RING1: variants seen among roughly 807,000 people sequenced by gnomAD.
RING1 encodes the protein E3 ubiquitin-protein ligase RING1.
RING1 carries 8 observed loss-of-function variants against 35.0 expected under a neutral mutation model. That is an observed-to-expected ratio of 0.23 (90% CI 0.13 to 0.41). The LOEUF (loss-of-function observed/expected upper bound fraction) is 0.41, where lower values mean the gene tolerates loss of function less well. Among genes scored for constraint, RING1 ranks in the 10% least tolerant of loss-of-function variants. RING1 has a pLI of 1.00. For missense variants in RING1, 343 were observed against 546.8 expected, an observed-to-expected ratio of 0.63 and a Z score of 3.72; for synonymous variants, 214 against 224.3, an observed-to-expected ratio of 0.95 and a Z score of 0.41.
rs758793149 is a variant in RING1, at chr6:33,211,324, G to A, written c.622G>A (p.Ala208Thr). The stretch of plus-strand genomic sequence containing the variant: ...TCCCAAGCGACCCCGTGGAGGGGGC[G>A]CAGGGGGGAGCAGTGTAGGGACAGG... ...PAPKRPRGGG[A>T]GGSSVGTGGG... The change falls in exon 5 of 7, where the codon GCA becomes ACA. Residue 208 changes from alanine (A) to threonine (T), a missense_variant. Physicochemically the swap from Ala to Thr is moderately conservative, Grantham distance 58. This residue lies in a region of RING1 where 278 missense variants were observed against 383.5 expected (regional missense o/e 0.72). Transcript: ENST00000374656. The surrounding 1 kb of genome is among the most constrained non-coding windows in gnomAD (Gnocchi z 6.3). The A allele has an allele frequency of 1.1e-5, 17 of 1,608,600 alleles. No homozygotes were observed. The East Asian group carries it at 1.3e-4, about 13-fold the overall frequency.
Position 33,211,691 on chromosome 6 carries a change from G to T in RING1, c.846-38G>T. 1 of 1,533,908 alleles carries T rather than the reference G, an allele frequency of 6.5e-7. No homozygotes were observed. The highest frequency in any genetic ancestry group is 8.8e-7 in the Non-Finnish European group (1 of 1,142,310). On this transcript the variant is annotated intron_variant, in intron 5 of 6. Coordinates refer to ENST00000374656, the MANE Select transcript of RING1 (RefSeq NM_002931.4). The surrounding 1 kb of genome is among the most constrained non-coding windows in gnomAD (Gnocchi z 6.3). Reference sequence around the variant, plus strand: ...CCCCTACCTCCAGTCCTCATCTGAGGCGCTCTGGCTCTAAGCCTGTCCTCC... The same window carrying T: ...CCCCTACCTCCAGTCCTCATCTGAGTCGCTCTGGCTCTAAGCCTGTCCTCC...
chr6:33,210,792 T>G (rs1306647696), intron 4 of RING1, among the ~76,000 whole-genome samples: 1 of 152,206 alleles, frequency 6.6e-6, no homozygotes, highest in Non-Finnish European at 1.5e-5. Context: ...AGATGCAAAC[T>G]GTGATTCAGT....
Position 33,209,727 on chromosome 6 carries a change from C to T in RING1, c.180C>T (p.Thr60=). 1 of 1,613,404 alleles carries T rather than the reference C, an allele frequency of 6.2e-7. No individual in the cohort carries two copies. The highest frequency in any genetic ancestry group is 8.5e-7 in the Non-Finnish European group (1 of 1,180,024). Residue 60 remains threonine (T), a synonymous_variant, in exon 3 of 7, where the codon ACC becomes ACT. Coordinates refer to ENST00000374656, the MANE Select transcript of RING1 (RefSeq NM_002931.4). The surrounding 1 kb of genome is among the most constrained non-coding windows in gnomAD (Gnocchi z 5.1). ...ICLDMLKNTM[T]TKECLHRFCS... is the part of the protein sequence containing the mutation. ...TGGACATGCTGAAGAATACGATGAC[C>T]ACCAAGGAGTGCCTCCACAGATTCT...
At chr6:33,210,787 C>T (rs912641634) in intron 4 of RING1, among the ~76,000 whole-genome samples, 3 of 152,156 alleles carry the variant, frequency 2.0e-5, no homozygotes, top group Non-Finnish European at 4.4e-5. Flanking sequence ...TCTTCAGATG[C>T]AAACTGTGAT....
In RING1 at chr6:33,208,887, A is replaced by G; in HGVS notation, c.65A>G (p.His22Arg). 6.2e-7 allele frequency: 1 copy of G among 1,612,354 alleles called. No homozygotes were observed. Among genetic ancestry groups the G allele is most frequent in the Non-Finnish European group, 8.5e-7 (1 of 1,179,724 alleles). The change falls in exon 2 of 7, where the codon CAC (histidine) becomes CGC (arginine). Residue 22 changes from histidine (H) to arginine (R), a missense_variant. Coordinates refer to ENST00000374656, the MANE Select transcript of RING1 (RefSeq NM_002931.4). This position sits in a 1 kb window ranked among gnomAD's most constrained non-coding sequence, Gnocchi z 6.2. ...TGGGAACTGAGTCTGTATGAGCTGC[A>G]CCGGACCCCGCAGGTGACAGGCATT... ...KTWELSLYELHRTPQEAIMDG... is the reference protein window; with the variant it reads ...KTWELSLYELRRTPQEAIMDG...
rs1333658957 is a variant in RING1 at position 33,209,049 on chromosome 6, C to T, written c.78+149C>T. 1 of 740,890 alleles carries T rather than the reference C, an allele frequency of 1.3e-6. No homozygotes were observed. The highest frequency in any genetic ancestry group is 1.7e-5 in the African/African-American group (1 of 57,760). 45.9% of individuals were successfully genotyped at this position (740,890 alleles called of 1,614,324 possible). A position where few individuals can be genotyped will look rare whatever the true frequency, so the allele number is the denominator to read the frequency against. On this transcript the variant is annotated intron_variant, in intron 2 of 6. Coordinates refer to ENST00000374656, the MANE Select transcript of RING1 (RefSeq NM_002931.4). The surrounding 1 kb of genome is among the most constrained non-coding windows in gnomAD (Gnocchi z 5.1). ...CACCTTAATCTTTCCAAAGCACTTT[C>T]GCATTTAGCTCATTTAATCCTCAAA...
At position 33,209,688 on chromosome 6, in the gene RING1, G is replaced by T; in HGVS notation, c.141G>T (p.Met47Ile). Residue 47 changes from methionine (M) to isoleucine (I), a missense_variant, in exon 3 of 7, where the codon ATG (methionine) becomes ATT (isoleucine). Physicochemically the swap from Met to Ile is conservative, Grantham distance 10. Around this residue, in one of 2 missense-constraint regions of RING1, gnomAD observed 65 missense variants for 163.3 expected, o/e 0.40. Transcript: ENST00000374656. The surrounding 1 kb of genome is among the most constrained non-coding windows in gnomAD (Gnocchi z 5.1). ...VSPRSLHSEL[M>I]CPICLDMLKN... is the part of the protein sequence containing the mutation. ...CTCGGTCACTGCATTCAGAACTCATGTGCCCTATCTGCCTGGACATGCTGA... is the reference window on the plus strand; with the variant it reads ...CTCGGTCACTGCATTCAGAACTCATTTGCCCTATCTGCCTGGACATGCTGA... 6.2e-7 allele frequency: 1 copy of T among 1,613,110 alleles called. No homozygotes were observed. The highest frequency in any genetic ancestry group is 1.1e-5 in the South Asian group (1 of 91,088).
At chr6:33,212,110 A>G in intron 6 of RING1, 108 bp downstream of exon 6, 1 of 921,342 alleles carries the variant, frequency 1.1e-6, no homozygotes, top group Non-Finnish European at 1.6e-6. Flanking sequence ...TCCCCTATAC[A>G]TCCTCTATCT....
Position 33,211,362 on chromosome 6 carries a change from T to C in RING1, c.660T>C (p.Thr220=). 1.0e-6 allele frequency: 1 copy of C among 986,314 alleles called. No individual in the cohort carries two copies. 61.1% of individuals were successfully genotyped at this position (986,314 alleles called of 1,614,324 possible). ...GSSVGTGGGG[T]GGVGGGAGSE... is the part of the protein sequence containing the mutation. Reference sequence around the variant, plus strand: ...GTGTAGGGACAGGGGGAGGCGGCACTGGTGGGGTGGGTGGGGGTGCCGGTT... The same window carrying C: ...GTGTAGGGACAGGGGGAGGCGGCACCGGTGGGGTGGGTGGGGGTGCCGGTT... The change falls in exon 5 of 7, where the codon ACT becomes ACC. Residue 220 remains threonine (T), a synonymous_variant. Coordinates refer to ENST00000374656, the MANE Select transcript of RING1 (RefSeq NM_002931.4). The surrounding 1 kb of genome is among the most constrained non-coding windows in gnomAD (Gnocchi z 6.3).
chr6:33,209,827 A>C lies in RING1; in HGVS notation c.239+41A>C, dbSNP rs1775403212. 1.9e-6 allele frequency: 3 copies of C among 1,612,592 alleles called. No homozygotes were observed. The South Asian group carries it at 3.3e-5, about 18-fold the overall frequency. On this transcript the variant is annotated intron_variant, in intron 3 of 6. Transcript: ENST00000374656. This position sits in a 1 kb window ranked among gnomAD's most constrained non-coding sequence, Gnocchi z 5.1. ...TGTTTGAGATGAGATGAAGGGGTAC[A>C]AAGTTAGGGCCCTCTCACTGGTCTT...
chr6:33,211,535 A>T lies in RING1; in HGVS notation c.833A>T (p.Tyr278Phe). 6.2e-7 allele frequency: 1 copy of T among 1,611,592 alleles called. No homozygotes were observed. The highest frequency in any genetic ancestry group is 1.3e-5 in the African/African-American group (1 of 75,034). Reference sequence around the variant, plus strand: ...CCCCTGCTCGTGGAGAAGGGAGAATACTGCCAGACGAGGTGAGGAGCCCTG... The same window carrying T: ...CCCCTGCTCGTGGAGAAGGGAGAATTCTGCCAGACGAGGTGAGGAGCCCTG... ...PHPLLVEKGE[Y>F]CQTRYVKTTG... Residue 278 changes from tyrosine to phenylalanine, a missense_variant, in exon 5 of 7, where the codon TAC becomes TTC. Transcript: ENST00000374656. The surrounding 1 kb of genome is among the most constrained non-coding windows in gnomAD (Gnocchi z 6.3).
In RING1 at chr6:33,208,752, C is replaced by A; in HGVS notation, c.-58-13C>A. 4 of 1,306,508 alleles carry A rather than the reference C, an allele frequency of 3.1e-6. No homozygotes were observed. Among genetic ancestry groups the A allele is most frequent in the Non-Finnish European group, 4.1e-6 (4 of 968,410 alleles). The allele number at this position is 1,306,508 out of a possible 1,614,324, so 80.9% of individuals were successfully genotyped here. A position where few individuals can be genotyped will look rare whatever the true frequency, so the allele number is the denominator to read the frequency against. ...CCCCCCTGACGCCCTCCTCCCCTTC[C>A]CCCCACCCCCAGCCTTCTTCGCCTT... On this transcript the variant is annotated splice_polypyrimidine_tract_variant and intron_variant, in intron 1 of 6. Transcript: ENST00000374656. The surrounding 1 kb of genome is among the most constrained non-coding windows in gnomAD (Gnocchi z 6.2).
At position 33,209,149 on chromosome 6, in the gene RING1, C is replaced by T. The variant is rs767949273; in HGVS notation, c.78+249C>T. 4 of 692,108 alleles carry T rather than the reference C, an allele frequency of 5.8e-6. No individual in the cohort carries two copies. Among genetic ancestry groups the T allele is most frequent in the Non-Finnish European group, 1.1e-5 (4 of 378,978 alleles). 42.9% of individuals were successfully genotyped at this position (692,108 alleles called of 1,614,324 possible). Reference sequence around the variant, plus strand: ...ATCACAAACACAAAAATTACCTTCCCTGTTCCTCATTCAGTGTCATAAGTC... The same window carrying T: ...ATCACAAACACAAAAATTACCTTCCTTGTTCCTCATTCAGTGTCATAAGTC... On this transcript the variant is annotated intron_variant, in intron 2 of 6. Coordinates refer to ENST00000374656, the MANE Select transcript of RING1 (RefSeq NM_002931.4). This position sits in a 1 kb window ranked among gnomAD's most constrained non-coding sequence, Gnocchi z 5.1.
rs1403803605 is a variant in RING1, at chr6:33,208,775, C to T, written c.-48C>T. 6.0e-6 allele frequency: 9 copies of T among 1,490,200 alleles called. No individual in the cohort carries two copies. Among genetic ancestry groups the T allele is most frequent in the African/African-American group, 1.4e-5 (1 of 71,262 alleles). The allele number at this position is 1,490,200 out of a possible 1,614,324, so 92.3% of individuals were successfully genotyped here. A position where few individuals can be genotyped will look rare whatever the true frequency, so the allele number is the denominator to read the frequency against. Reference sequence around the variant, plus strand: ...TCCCCCCACCCCCAGCCTTCTTCGCCTTCTCCTCGGCTGTGGAGCCCTGGT... The same window carrying T: ...TCCCCCCACCCCCAGCCTTCTTCGCTTTCTCCTCGGCTGTGGAGCCCTGGT... On this transcript the variant is annotated 5_prime_UTR_variant, in exon 2 of 7. Coordinates refer to ENST00000374656, the MANE Select transcript of RING1 (RefSeq NM_002931.4). The surrounding 1 kb of genome is among the most constrained non-coding windows in gnomAD (Gnocchi z 6.2).
intron 4 of RING1, among the ~76,000 whole-genome samples, chr6:33,210,877 G>T (rs1775475750): frequency 6.6e-6 from 1 of 152,262 alleles, no homozygotes; most frequent in Admixed American, 6.5e-5. Flanking sequence ...CGCACTTTGA[G>T]AGGTGACAGC....
Position 33,210,103 on chromosome 6 carries a change from A to C in RING1, c.428A>C (p.Glu143Ala). The C allele has an allele frequency of 6.2e-7, 1 of 1,614,120 alleles. No individual in the cohort carries two copies. Among genetic ancestry groups the C allele is most frequent in the Non-Finnish European group, 8.5e-7 (1 of 1,180,038 alleles). Residue 143 changes from glutamate (E) to alanine (A), a missense_variant, in exon 4 of 7, where the codon GAG becomes GCG. Glu to Ala is a moderately radical substitution (Grantham distance 107, BLOSUM62 -1). This residue lies in a region of RING1 where 278 missense variants were observed against 383.5 expected (regional missense o/e 0.72). Coordinates refer to ENST00000374656, the MANE Select transcript of RING1 (RefSeq NM_002931.4). ...NQQALSSSIE[E>A]GLRMQAMHRA... Reference sequence around the variant, plus strand: ...CAGGCATTGAGCTCCAGCATTGAGGAGGGGCTACGCATGCAGGCCATGCAC... The same window carrying C: ...CAGGCATTGAGCTCCAGCATTGAGGCGGGGCTACGCATGCAGGCCATGCAC...
At position 33,212,514 on chromosome 6, in the gene RING1, A is replaced by G; in HGVS notation, c.*115A>G. The G allele has an allele frequency of 1.5e-6, 1 of 664,490 alleles. No homozygotes were observed. Among genetic ancestry groups the G allele is most frequent in the Non-Finnish European group, 2.7e-6 (1 of 370,550 alleles). 41.2% of individuals were successfully genotyped at this position (664,490 alleles called of 1,614,324 possible). A position where few individuals can be genotyped will look rare whatever the true frequency, so the allele number is the denominator to read the frequency against. Reference sequence around the variant, plus strand: ...CAGCCCAGCCAGCCAATAAGAGGACACAAATGAGGACACGTGGCTTTTATA... The same window carrying G: ...CAGCCCAGCCAGCCAATAAGAGGACGCAAATGAGGACACGTGGCTTTTATA... On this transcript the variant is annotated 3_prime_UTR_variant, in exon 7 of 7. Coordinates refer to ENST00000374656, the MANE Select transcript of RING1 (RefSeq NM_002931.4).
Position 33,211,035 on chromosome 6 carries a change from C to A in RING1, c.456-123C>A. ...CACTTAGTATACTGAGTGCTTAGCA[C>A]ATTGTGTTTAATAAATATTAGGTAT... On this transcript the variant is annotated intron_variant, in intron 4 of 6. Transcript: ENST00000374656. This position sits in a 1 kb window ranked among gnomAD's most constrained non-coding sequence, Gnocchi z 6.3. The A allele has an allele frequency of 1.8e-6, 2 of 1,126,350 alleles. No homozygotes were observed. Among genetic ancestry groups the A allele is most frequent in the Non-Finnish European group, 2.5e-6 (2 of 798,098 alleles). The allele number at this position is 1,126,350 out of a possible 1,614,324, so 69.8% of individuals were successfully genotyped here.
Position 33,211,748 on chromosome 6 carries a change from A to G in RING1, c.865A>G (p.Asn289Asp). Residue 289 changes from asparagine to aspartate, a missense_variant, in exon 6 of 7, where the codon AAT becomes GAT. Around this residue, in one of 2 missense-constraint regions of RING1, gnomAD observed 278 missense variants for 383.5 expected, o/e 0.72. Transcript: ENST00000374656. This position sits in a 1 kb window ranked among gnomAD's most constrained non-coding sequence, Gnocchi z 6.3. ...CQTRYVKTTG[N>D]ATVDHLSKYL... Reference sequence around the variant, plus strand: ...TTCCAGGTATGTGAAGACAACTGGGAATGCCACAGTGGACCACCTCTCCAA... The same window carrying G: ...TTCCAGGTATGTGAAGACAACTGGGGATGCCACAGTGGACCACCTCTCCAA... The G allele has an allele frequency of 6.5e-7, 1 of 1,550,306 alleles. No homozygotes were observed. Among genetic ancestry groups the G allele is most frequent in the South Asian group, 1.2e-5 (1 of 80,808 alleles).
Sources: gnomAD v4.1 joint callset for allele counts (sites outside exome capture counted in the v4.1 genomes callset) on GRCh38, gnomAD v4.1.1 for gene constraint, gnomAD v4.1.1 regional missense constraint, Gnocchi (gnomAD v3.1) non-coding constraint, MANE v1.5 for transcripts, NCBI Gene and HGNC (gene_info 2026-07-23, HGNC 2026-07-21) for gene names.